The following CD3G variants were observed in gnomAD, a reference collection of about 807,000 sequenced individuals.
CD3G encodes CD3 gamma subunit of T-cell receptor complex.
A neutral mutation model predicts 28.3 loss-of-function variants in CD3G; 24 were observed. The ratio of observed to expected loss-of-function variants is 0.85; its 90% CI spans 0.61 to 1.19. The LOEUF (loss-of-function observed/expected upper bound fraction) is 1.19, where lower values mean the gene tolerates loss of function less well. Ranked by LOEUF, CD3G falls within the 50% of genes most tolerant of loss-of-function variation. The pLI is 0.00. For missense variants in CD3G, 211 were observed against 210.0 expected, an observed-to-expected ratio of 1.00 and a Z score of -0.03; for synonymous variants, 71 against 75.9, an observed-to-expected ratio of 0.93 and a Z score of 0.34.
At position 118,352,263 on chromosome 11, in the gene CD3G, A is replaced by C. The variant is rs1948416694; in HGVS notation, c.484-141A>C. On this transcript the variant is annotated intron_variant, in intron 5 of 6. Transcript: ENST00000532917. ...GAAAAAGAAAAAAGACAGAGCCTCC[A>C]TCTCCTTGTCCTCTTTCCATCCTCA... 3.9e-6 allele frequency: 3 copies of C among 773,398 alleles called. No individual in the cohort carries two copies. The South Asian group carries it at 4.1e-5, about 11-fold the overall frequency. 47.9% of individuals were successfully genotyped at this position (773,398 alleles called of 1,614,324 possible).
intron 1 of CD3G, among the ~76,000 whole-genome samples, chr11:118,347,350 T>C (rs905516381): frequency 1.3e-5 from 2 of 152,224 alleles, no homozygotes; most frequent in Admixed American, 6.5e-5. Flanking sequence ...GCTTCTACCC[T>C]TTTTTCATAT....
At position 118,349,907 on chromosome 11, in the gene CD3G, C is replaced by A. The variant is rs201124887; in HGVS notation, c.244C>A (p.Arg82=). Residue 82 remains arginine, a synonymous_variant, in exon 3 of 7, where the codon CGA becomes AGA. Coordinates refer to ENST00000532917, the MANE Select transcript of CD3G (RefSeq NM_000073.3). ...TCTGGGAAGTAATGCCAAGGACCCT[C>A]GAGGGATGTATCAGTGTAAAGGATC... ...WNLGSNAKDP[R]GMYQCKGSQN... is the part of the protein sequence containing the mutation. 6.8e-6 allele frequency: 11 copies of A among 1,614,044 alleles called. No individual in the cohort carries two copies. Among genetic ancestry groups the A allele is most frequent in the Non-Finnish European group, 8.5e-6 (10 of 1,179,998 alleles).
chr11:118,350,441 A>C, intron 3 of CD3G, 111 bp from the exon 4 acceptor site: 1 of 824,600 alleles, frequency 1.2e-6, no homozygotes, highest in South Asian at 1.3e-5. Context: ...CCACCCACAG[A>C]GGAAAAGCCT....
intron 1 of CD3G, among the ~76,000 whole-genome samples, chr11:118,347,058 C>G (rs1948363702): frequency 6.6e-6 from 1 of 152,158 alleles, no homozygotes; most frequent in South Asian, 2.1e-4. Flanking sequence ...GCACTGGATA[C>G]TGTTCAAAAA....
At chr11:118,349,190 A>T in intron 2 of CD3G, 140 bp downstream of exon 2, 1 of 1,599,486 alleles carries the variant, frequency 6.3e-7, no homozygotes, top group Non-Finnish European at 8.5e-7. Flanking sequence ...TCTATTGTCA[A>T]CCAAATCAGT....
chr11:118,354,774 G>A lies in CD3G; in HGVS notation c.*1674G>A, dbSNP rs931909295. On this transcript the variant is annotated 3_prime_UTR_variant, in exon 7 of 7. Transcript: ENST00000532917. ...ACCATTCATATATTTTTAGTGAAATGTGTATCAAATCTTTTGCCCATTTTT... is the reference window on the plus strand; with the variant it reads ...ACCATTCATATATTTTTAGTGAAATATGTATCAAATCTTTTGCCCATTTTT... The A allele has an allele frequency of 6.6e-6, 1 of 152,088 alleles. No individual in the cohort carries two copies. The highest frequency in any genetic ancestry group is 1.5e-5 in the Non-Finnish European group (1 of 68,004). The allele number at this position is 152,088 out of a possible 1,614,324, so 9.4% of individuals were successfully genotyped here. A position where few individuals can be genotyped will look rare whatever the true frequency, so the allele number is the denominator to read the frequency against.
intron 6 of CD3G, 39 bp downstream of exon 6, chr11:118,352,526 C>T: frequency 2.3e-6 from 3 of 1,331,652 alleles, no homozygotes; most frequent in Non-Finnish European, 3.2e-6. Flanking sequence ...AGGACCCTTG[C>T]ATCAACTGCC....
At chr11:118,344,945 T>G (rs1407407586) in intron 1 of CD3G, among the ~76,000 whole-genome samples, 1 of 152,238 alleles carries the variant, frequency 6.6e-6, no homozygotes, top group African/African-American at 2.4e-5. Context: ...AAAACACTTA[T>G]GCTCTACAGA....
At chr11:118,344,860 G>A (rs1285208574) in intron 1 of CD3G, among the ~76,000 whole-genome samples, 2 of 152,342 alleles carry the variant, frequency 1.3e-5, no homozygotes, top group South Asian at 2.1e-4. Context: ...CACTCAGTTG[G>A]GCAGTTGGCC....
Position 118,344,466 on chromosome 11 carries a change from AT to A in CD3G, c.45del (p.Leu16PhefsTer29). On this transcript the variant is annotated frameshift_variant, in exon 1 of 7. Transcript: ENST00000532917. LOFTEE classifies it high-confidence loss of function. ...CCTGGCTGTCCTCATCCTGGCTATC[AT>A]TCTTCTTCAAGGTAAGGGCCTACTA... ...KGLAVLILAIILLQGTLAQSI... is the reference protein window; with the variant it reads ...KGLAVLILAIXLLQGTLAQSI... 6.4e-7 allele frequency: 1 copy of A among 1,568,384 alleles called. No individual in the cohort carries two copies. Among genetic ancestry groups the A allele is most frequent in the Non-Finnish European group, 8.7e-7 (1 of 1,155,842 alleles).
At chr11:118,351,551 T>C in intron 4 of CD3G, 77 bp from the exon 5 acceptor site, 2 of 1,309,294 alleles carry the variant, frequency 1.5e-6, no homozygotes, top group Non-Finnish European at 2.2e-6. Context: ...TATTGTTATT[T>C]AGTATTCCAT....
chr11:118,349,689 G>C, intron 2 of CD3G, 54 bp from the exon 3 acceptor site: 1 of 1,316,054 alleles, frequency 7.6e-7, no homozygotes, highest in Non-Finnish European at 1.1e-6. Context: ...TGCAGAAGCA[G>C]GGAGAATTTC....
chr11:118,348,430 T>C (rs1948375731), intron 1 of CD3G, among the ~76,000 whole-genome samples: 1 of 152,212 alleles, frequency 6.6e-6, no homozygotes, highest in Admixed American at 6.5e-5. Flanking sequence ...GGGCAAGGTC[T>C]AGGAGGGTCC....
At chr11:118,351,553 G>A in intron 4 of CD3G, 75 bp from the exon 5 acceptor site, 1 of 1,312,006 alleles carries the variant, frequency 7.6e-7, no homozygotes, top group Non-Finnish European at 1.1e-6. Flanking sequence ...TTGTTATTTA[G>A]TATTCCATTT....
rs1220676126 is a variant in CD3G, at chr11:118,349,856, C to T, written c.193C>T (p.Leu65=). The T allele has an allele frequency of 1.2e-6, 2 of 1,613,870 alleles. No homozygotes were observed. The highest frequency in any genetic ancestry group is 1.7e-6 in the Non-Finnish European group (2 of 1,179,940). Residue 65 remains leucine (L), a synonymous_variant, in exon 3 of 7, where the codon CTA becomes TTA. Coordinates refer to ENST00000532917, the MANE Select transcript of CD3G (RefSeq NM_000073.3). ...WFKDGKMIGF[L]TEDKKKWNLG... ...TAAAGATGGGAAGATGATCGGCTTCCTAACTGAAGATAAAAAAAAATGGAA... is the reference window on the plus strand; with the variant it reads ...TAAAGATGGGAAGATGATCGGCTTCTTAACTGAAGATAAAAAAAAATGGAA...
rs377057336 is a variant in CD3G at position 118,349,825 on chromosome 11, A to G, written c.162A>G (p.Thr54=). 1.9e-5 allele frequency: 30 copies of G among 1,613,998 alleles called. No individual in the cohort carries two copies. In the African/African-American group the frequency reaches 2.9e-4, roughly 16 times the overall value. The change falls in exon 3 of 7, where the codon ACA becomes ACG. Residue 54 remains threonine, a synonymous_variant. Transcript: ENST00000532917. ...LTCDAEAKNI[T]WFKDGKMIGF... The stretch of plus-strand genomic sequence containing the variant: ...GTGATGCAGAAGCCAAAAATATCAC[A>G]TGGTTTAAAGATGGGAAGATGATCG...
intron 1 of CD3G, among the ~76,000 whole-genome samples, chr11:118,345,590 T>C (rs1247775920): frequency 1.3e-5 from 2 of 152,040 alleles, no homozygotes; most frequent in African/African-American, 4.8e-5. Flanking sequence ...ATAAATGTTT[T>C]TGAGGGTGAG....
intron 6 of CD3G, 122 bp downstream of exon 6, chr11:118,352,609 G>A: frequency 7.8e-6 from 6 of 770,434 alleles, no homozygotes; most frequent in Non-Finnish European, 9.2e-6. Context: ...ATCAGGGATT[G>A]GGACGTGGTT....
At chr11:118,350,103 T>C in intron 3 of CD3G, 133 bp downstream of exon 3, 1 of 739,948 alleles carries the variant, frequency 1.4e-6, no homozygotes. Context: ...TAATTTCAGC[T>C]TGCCTCTTTT....
Sources: allele counts gnomAD v4.1 joint callset (sites outside exome capture counted in the v4.1 genomes callset), GRCh38; gene constraint gnomAD v4.1.1; transcripts MANE v1.5; gene names NCBI Gene and HGNC (gene_info 2026-07-23, HGNC 2026-07-21).